The following TTLL3 variants were observed in gnomAD, a reference collection of about 807,000 sequenced individuals.
TTLL3 encodes tubulin monoglycylase TTLL3.
A neutral mutation model predicts 75.2 loss-of-function variants in TTLL3; 63 were observed. That is an observed-to-expected ratio of 0.84 (90% CI 0.68 to 1.03). The LOEUF (loss-of-function observed/expected upper bound fraction) is 1.03. Among genes scored for constraint, TTLL3 ranks in the 50% least tolerant of loss-of-function variants. The pLI is 0.00. For synonymous variants in TTLL3, 393 were observed against 418.5 expected, an observed-to-expected ratio of 0.94 and a Z score of 0.74; for missense variants, 997 against 1,069.9, an observed-to-expected ratio of 0.93 and a Z score of 0.95.
intron 7 of TTLL3, chr3:9,819,747 A>G (rs2080237921): frequency 3.0e-6 from 3 of 985,338 alleles, no homozygotes; most frequent in Non-Finnish European, 2.4e-6. Context: ...GCAGCTCTCC[A>G]GGAAGGAGGA....
intron 8 of TTLL3, among the ~76,000 whole-genome samples, chr3:9,823,994 A>G (rs1399887049): frequency 1.3e-5 from 2 of 152,234 alleles, no homozygotes; most frequent in Non-Finnish European, 2.9e-5. Flanking sequence ...CTACCAAAGT[A>G]CTTGCTGAGC....
At position 9,834,332 on chromosome 3, in the gene TTLL3, A is replaced by C. The variant is rs377088566; in HGVS notation, c.1826-349A>C. On this transcript the variant is annotated intron_variant, in intron 12 of 13. Transcript: ENST00000685419. ...TCGGGGAAAGAACTAACACATGTCC[A>C]GCACTTAACAGTTTGCCCCATACCG... The C allele has an allele frequency of 8.1e-5, 41 of 507,624 alleles. 4 individuals are homozygous for C. The highest frequency in any genetic ancestry group is 5.9e-4 in the African/African-American group (31 of 52,234). The allele number at this position is 507,624 out of a possible 1,614,324, so 31.4% of individuals were successfully genotyped here. A position where few individuals can be genotyped will look rare whatever the true frequency, so the allele number is the denominator to read the frequency against.
rs999168243 is a variant in TTLL3, at chr3:9,835,839, A to G, written c.*350A>G. 3 of 250,356 alleles carry G rather than the reference A, an allele frequency of 1.2e-5. No individual in the cohort carries two copies. The highest frequency in any genetic ancestry group is 2.3e-5 in the Non-Finnish European group (3 of 131,620). The allele number at this position is 250,356 out of a possible 1,614,324, so 15.5% of individuals were successfully genotyped here. The stretch of plus-strand genomic sequence containing the variant: ...TGCCTAAACCTCAGCCCTTCTGCAG[A>G]GGGCATGGGTCTATCCCTTCTTCAG... On this transcript the variant is annotated 3_prime_UTR_variant, in exon 14 of 14. Transcript: ENST00000685419.
chr3:9,812,474 C>T (rs1224341694), intron 2 of TTLL3, among the ~76,000 whole-genome samples: 1 of 151,826 alleles, frequency 6.6e-6, no homozygotes, highest in Non-Finnish European at 1.5e-5. Context: ...AAGATTGTGC[C>T]ACTCCAGCCT....
rs371547801 is a variant in TTLL3, at chr3:9,810,356, C to G, written c.-80C>G. The G allele has an allele frequency of 7.2e-7, 1 of 1,382,944 alleles. No individual in the cohort carries two copies. Among genetic ancestry groups the G allele is most frequent in the South Asian group, 1.5e-5 (1 of 66,842 alleles). The allele number at this position is 1,382,944 out of a possible 1,614,324, so 85.7% of individuals were successfully genotyped here. ...GCCTCGGATACCCACCCCCTCGGCC[C>G]CCCGCACACCCCGGTCCTCGACCCC... On this transcript the variant is annotated 5_prime_UTR_variant, in exon 1 of 14. Transcript: ENST00000685419. This position sits in a 1 kb window ranked among gnomAD's most constrained non-coding sequence, Gnocchi z 4.4.
chr3:9,820,871 C>A (rs1021193588), intron 8 of TTLL3, 130 bp downstream of exon 8: 1 of 1,418,318 alleles, frequency 7.1e-7, no homozygotes, highest in Admixed American at 2.7e-5. Flanking sequence ...CTCAGGAACC[C>A]TCGAGGACTC....
chr3:9,831,093 G>A (rs1051259449), intron 11 of TTLL3, among the ~76,000 whole-genome samples: 3 of 152,192 alleles, frequency 2.0e-5, no homozygotes, highest in Non-Finnish European at 2.9e-5. Flanking sequence ...GAGCCACCGC[G>A]CCAAGCCCTC....
chr3:9,820,064 G>A, intron 7 of TTLL3: 1 of 993,046 alleles, frequency 1.0e-6, no homozygotes. Flanking sequence ...CAGTAACAGT[G>A]CACACAGAAG....
intron 8 of TTLL3, among the ~76,000 whole-genome samples, chr3:9,824,717 TTTTTCTTTTC>T (rs1231135432): frequency 6.8e-6 from 1 of 146,268 alleles, no homozygotes; most frequent in African/African-American, 2.5e-5. Flanking sequence ...CCCAGTTTAC[TTTTTCTTTTC>T]TTTTCTTTTC....
chr3:9,835,127 C>A lies in TTLL3; in HGVS notation c.2086C>A (p.Leu696Met), dbSNP rs369226406. ...PALLCLRGPQ[L>M]EVPCCLCPLK... The stretch of plus-strand genomic sequence containing the variant: ...TCTCCTGTGCCTCCGAGGCCCCCAG[C>A]TGGAAGTGCCTTGTTGCCTCTGCCC... The change falls in exon 14 of 14, where the codon CTG (leucine) becomes ATG (methionine). Residue 696 changes from leucine to methionine, a missense_variant. Transcript: ENST00000685419. 1 of 1,612,938 alleles carries A rather than the reference C, an allele frequency of 6.2e-7. No individual in the cohort carries two copies. The highest frequency in any genetic ancestry group is 1.3e-5 in the African/African-American group (1 of 75,040).
intron 8 of TTLL3, among the ~76,000 whole-genome samples, chr3:9,825,162 G>A (rs998339854): frequency 6.6e-6 from 1 of 152,118 alleles, no homozygotes; most frequent in Non-Finnish European, 1.5e-5. Context: ...ACTAGCCTGG[G>A]TAACATAATA....
Position 9,833,257 on chromosome 3 carries a change from G to C in TTLL3, c.1825+12G>C. 6.2e-7 allele frequency: 1 copy of C among 1,613,486 alleles called. No homozygotes were observed. The highest frequency in any genetic ancestry group is 8.5e-7 in the Non-Finnish European group (1 of 1,179,858). On this transcript the variant is annotated intron_variant, in intron 12 of 13. Coordinates refer to ENST00000685419, the MANE Select transcript of TTLL3 (RefSeq NM_001387446.1). ...AGGCTCTGGGGAAGGCAAGGACTCG[G>C]GGACCCCTACCCACAGGTCAGCTTC...
rs2081961474 is a variant in TTLL3, at chr3:9,835,131, A to G, written c.2090A>G (p.Glu697Gly). 6.2e-7 allele frequency: 1 copy of G among 1,613,300 alleles called. No individual in the cohort carries two copies. Among genetic ancestry groups the G allele is most frequent in the Admixed American group, 1.7e-5 (1 of 59,908 alleles). ...ALLCLRGPQL[E>G]VPCCLCPLKS... ...CTGTGCCTCCGAGGCCCCCAGCTGG[A>G]AGTGCCTTGTTGCCTCTGCCCTTTG... Residue 697 changes from glutamate to glycine, a missense_variant, in exon 14 of 14, where the codon GAA becomes GGA. By Grantham distance (98) the Glu-to-Gly change is moderately conservative. Coordinates refer to ENST00000685419, the MANE Select transcript of TTLL3 (RefSeq NM_001387446.1).
rs1019729646 is a variant in TTLL3, at chr3:9,835,657, C to T, written c.*168C>T. 3.0e-6 allele frequency: 2 copies of T among 666,182 alleles called. No individual in the cohort carries two copies. The highest frequency in any genetic ancestry group is 4.8e-6 in the Non-Finnish European group (2 of 414,198). The allele number at this position is 666,182 out of a possible 1,614,324, so 41.3% of individuals were successfully genotyped here. ...AGTCTGAAAGAGGAGGCATGGCTTA[C>T]CCAAGATCACGTGGCAGTGAGTCGA... is the stretch of plus-strand genomic sequence containing the variant. On this transcript the variant is annotated 3_prime_UTR_variant, in exon 14 of 14. Coordinates refer to ENST00000685419, the MANE Select transcript of TTLL3 (RefSeq NM_001387446.1).
At position 9,826,016 on chromosome 3, in the gene TTLL3, A is replaced by G; in HGVS notation, c.1003+68A>G. The G allele has an allele frequency of 2.5e-6, 4 of 1,573,492 alleles. No individual in the cohort carries two copies. The Admixed American group carries it at 5.2e-5, about 21-fold the overall frequency. The stretch of plus-strand genomic sequence containing the variant: ...TGCATCTACCAGTAGAGGCCAAGGA[A>G]GTTAATAGTGCAGGTCTATTGAAGC... On this transcript the variant is annotated intron_variant, in intron 9 of 13. Coordinates refer to ENST00000685419, the MANE Select transcript of TTLL3 (RefSeq NM_001387446.1).
chr3:9,823,760 G>A (rs533210324), intron 8 of TTLL3, among the ~76,000 whole-genome samples: 6 of 152,298 alleles, frequency 3.9e-5, no homozygotes, highest in African/African-American at 1.4e-4. Context: ...CTCCATGACT[G>A]GAGACACTCA....
chr3:9,826,725 C>CAAAAAAAAAA (rs36060940), intron 9 of TTLL3, among the ~76,000 whole-genome samples: 1 of 75,240 alleles, frequency 1.3e-5, no homozygotes, highest in African/African-American at 5.2e-5. Context: ...AGGGCTGTCT[C>CAAAAAAAAAA]AAAAAAAAAA....
chr3:9,817,417 C>G (rs1279193581), intron 5 of TTLL3: 1 of 976,568 alleles, frequency 1.0e-6, no homozygotes, highest in Non-Finnish European at 1.2e-6. Context: ...GAGTGAGACT[C>G]CATCTCAAAA....
At chr3:9,813,443 C>T in intron 4 of TTLL3, 98 bp downstream of exon 4, 1 of 1,361,640 alleles carries the variant, frequency 7.3e-7, no homozygotes, top group Non-Finnish European at 1.0e-6. Flanking sequence ...CTTTCTTTCT[C>T]TGGGCCACAG....
Sources: allele counts gnomAD v4.1 joint callset (sites outside exome capture counted in the v4.1 genomes callset), GRCh38; gene constraint gnomAD v4.1.1; non-coding constraint Gnocchi (gnomAD v3.1); transcripts MANE v1.5; gene names NCBI Gene and HGNC (gene_info 2026-07-23, HGNC 2026-07-21).